ADCY8: variants seen among roughly 807,000 people sequenced by gnomAD.
The protein encoded by ADCY8 is adenylate cyclase 8.
In ADCY8, 51 loss-of-function variants were observed where a neutral mutation model predicts 119.7. That is an observed-to-expected ratio of 0.43 (90% confidence interval 0.34 to 0.54). The LOEUF is 0.54. ADCY8 is among the 20% of genes least tolerant of loss of function. The pLI is 0.03. For synonymous variants in ADCY8, 665 were observed against 651.0 expected (o/e 1.02, Z -0.33); for missense variants, 1,383 against 1,598.8 (o/e 0.87, Z 2.30).
intron 7 of ADCY8, chr8:130,892,599 C>T (rs1281430729): frequency 6.6e-6 from 1 of 152,118 alleles, no homozygotes; most frequent in Non-Finnish European, 1.5e-5. Flanking sequence ...CCCAGGATAT[C>T]CAAGCACAAT....
At chr8:130,782,536 A>C (rs1815117279) in intron 17 of ADCY8, among the ~76,000 whole-genome samples, 1 of 152,196 alleles carries the variant, frequency 6.6e-6, no homozygotes, top group Admixed American at 6.5e-5. Context: ...TACGAGTGTA[A>C]TATGTCATGG....
intron 1 of ADCY8, among the ~76,000 whole-genome samples, chr8:131,015,602 A>C (rs1823447069): frequency 6.6e-6 from 1 of 152,202 alleles, no homozygotes; most frequent in African/African-American, 2.4e-5. Context: ...TGGCTATTTT[A>C]TCTCTAAACA....
intron 15 of ADCY8, among the ~76,000 whole-genome samples, chr8:130,792,157 C>G (rs1420771329): frequency 6.6e-6 from 1 of 152,186 alleles, no homozygotes; most frequent in African/African-American, 2.4e-5. Flanking sequence ...GCACTGGACC[C>G]AGCTGATGGG....
At position 130,780,320 on chromosome 8, in the gene ADCY8, A is replaced by C. The variant is rs1299128222; in HGVS notation, c.*70T>G. 1 of 1,144,120 alleles carries C rather than the reference A, an allele frequency of 8.7e-7. No homozygotes were observed. Among genetic ancestry groups the C allele is most frequent in the Non-Finnish European group, 1.1e-6 (1 of 902,452 alleles). The allele number at this position is 1,144,120 out of a possible 1,614,324, so 70.9% of individuals were successfully genotyped here. On this transcript the variant is annotated 3_prime_UTR_variant, in exon 18 of 18. Coordinates refer to ENST00000286355, the MANE Select transcript of ADCY8 (RefSeq NM_001115.3). ...CCATCCTTGTTCTAAAAAAAATTAA[A>C]CCTTTTTATTAGTATATTTATTTTA...
At chr8:131,025,209 C>T (rs1279324689) in intron 1 of ADCY8, among the ~76,000 whole-genome samples, 1 of 152,130 alleles carries the variant, frequency 6.6e-6, no homozygotes, top group Non-Finnish European at 1.5e-5. Flanking sequence ...TGATAACTAT[C>T]ATGATAAACA....
intron 11 of ADCY8, among the ~76,000 whole-genome samples, chr8:130,844,365 A>G (rs139922919): frequency 3.3e-5 from 5 of 152,208 alleles, no homozygotes; most frequent in African/African-American, 1.2e-4. Context: ...TTAGCATCTG[A>G]CAAGCTTCGA....
At chr8:131,000,422 G>A (rs1034051435) in intron 1 of ADCY8, among the ~76,000 whole-genome samples, 3 of 152,176 alleles carry the variant, frequency 2.0e-5, no homozygotes, top group Non-Finnish European at 2.9e-5. Context: ...CTGAAGAAGT[G>A]TTGGCCTCAT....
At chr8:130,836,159 T>G in intron 12 of ADCY8, 118 bp downstream of exon 12, 15 of 1,138,296 alleles carry the variant, frequency 1.3e-5, no homozygotes, top group Non-Finnish European at 1.8e-5. Flanking sequence ...ATTTGAGATA[T>G]AAGTCAATAT....
rs1821016500 is a variant in ADCY8 at position 130,943,421 on chromosome 8, G to A, written c.1283C>T (p.Thr428Met). Residue 428 changes from threonine to methionine, a missense_variant, in exon 4 of 18, where the codon ACG (threonine) becomes ATG (methionine). Physicochemically the swap from Thr to Met is moderately conservative, Grantham distance 81 (BLOSUM62 -1). Transcript: ENST00000286355. The stretch of plus-strand genomic sequence containing the variant: ...GACCAGCTCCTGAGCAGACAAGGTC[G>A]TGGAGAGGTTGGTAAATCCTTTAAC... ...ADVKGFTNLS[T>M]TLSAQELVRM... is the part of the protein sequence containing the mutation. The A allele has an allele frequency of 5.5e-6, 8 of 1,465,568 alleles. No individual in the cohort carries two copies. The highest frequency in any genetic ancestry group is 1.4e-5 in the African/African-American group (1 of 69,544). The allele number at this position is 1,465,568 out of a possible 1,614,324, so 90.8% of individuals were successfully genotyped here.
At chr8:130,968,354 G>A (rs555190538) in intron 2 of ADCY8, among the ~76,000 whole-genome samples, 5 of 152,042 alleles carry the variant, frequency 3.3e-5, no homozygotes, top group Non-Finnish European at 7.4e-5. Context: ...TATTTTTTTA[G>A]TAGAGACGGG....
In ADCY8 at chr8:130,877,642, C is replaced by A. The variant is rs150971805; in HGVS notation, c.2109+6922G>T. ...GTCCTCACAGGAAGAAAAGCATGGC[C>A]TTTGGGAATGATAAAACATCTATCA... On this transcript the variant is annotated intron_variant, in intron 8 of 17. Transcript: ENST00000286355. 6.6e-5 allele frequency among the ~76,000 whole-genome samples: 10 copies of A among 152,302 alleles called. No individual in the cohort carries two copies. The South Asian group carries it at 2.1e-3, about 32-fold the overall frequency.
intron 8 of ADCY8, among the ~76,000 whole-genome samples, chr8:130,881,578 T>C (rs1201983690): frequency 1.3e-5 from 2 of 152,136 alleles, no homozygotes; most frequent in Non-Finnish European, 2.9e-5. Context: ...CCAGACTTGT[T>C]CCCAAGAAGA....
intron 7 of ADCY8, among the ~76,000 whole-genome samples, chr8:130,888,220 A>C (rs12543125): frequency 2.0e-5 from 3 of 151,286 alleles, no homozygotes; most frequent in Middle Eastern, 6.9e-3. Flanking sequence ...TATATATATA[A>C]TAGAATACAT....
At chr8:130,995,223 A>G (rs765183879) in intron 1 of ADCY8, among the ~76,000 whole-genome samples, 20 of 152,174 alleles carry the variant, frequency 1.3e-4, no homozygotes, top group Non-Finnish European at 2.2e-4. Flanking sequence ...TACAATAATA[A>G]ATAATTAGAA....
In ADCY8 at chr8:130,867,852, G is replaced by C. The variant is rs1186137453; in HGVS notation, c.2204C>G (p.Ser735Cys). The change falls in exon 9 of 18, where the codon TCT becomes TGT. Residue 735 changes from serine to cysteine, a missense_variant. Physicochemically the swap from Ser to Cys is moderately radical, Grantham distance 112. Coordinates refer to ENST00000286355, the MANE Select transcript of ADCY8 (RefSeq NM_001115.3). ...TTAGTTCTTTTACATTTACCTTGAA[G>C]AAGGAAGCAAACTTTGTATTGCCGT... ...FITAIQSLLP[S>C]SRVMPMTIQF... 2.5e-6 allele frequency: 4 copies of C among 1,608,028 alleles called. No homozygotes were observed.
At chr8:130,957,734 T>A (rs537787614) in intron 2 of ADCY8, among the ~76,000 whole-genome samples, 4 of 152,306 alleles carry the variant, frequency 2.6e-5, no homozygotes, top group African/African-American at 9.6e-5. Context: ...CAGCTCTAGA[T>A]GTGGCTGAAA....
intron 16 of ADCY8, among the ~76,000 whole-genome samples, chr8:130,785,064 A>G (rs1338432219): frequency 1.3e-5 from 2 of 152,342 alleles, no homozygotes; most frequent in Admixed American, 6.5e-5. Flanking sequence ...ATAGGAAAAA[A>G]GAGGCTAGTA....
chr8:131,039,947 G>A lies in ADCY8; in HGVS notation c.387C>T (p.Phe129=), dbSNP rs1357342074. Residue 129 remains phenylalanine (F), a synonymous_variant, in exon 1 of 18, where the codon TTC becomes TTT. Transcript: ENST00000286355. The part of the protein sequence containing the change: ...SGSGGGGDLG[F]LHLDCAPSNS... ...TGCTAGGGGCACAGTCAAGGTGCAG[G>A]AAGCCCAGGTCGCCCCCGCCTCCGC... 6.3e-7 allele frequency: 1 copy of A among 1,598,866 alleles called. No individual in the cohort carries two copies. The highest frequency in any genetic ancestry group is 1.7e-5 in the Admixed American group (1 of 57,744).
chr8:130,999,563 G>A (rs1199115382), intron 1 of ADCY8, among the ~76,000 whole-genome samples: 2 of 152,188 alleles, frequency 1.3e-5, no homozygotes, highest in African/African-American at 4.8e-5. Flanking sequence ...TCTCCACTCT[G>A]CACTCACTGT....
Sources: gnomAD v4.1 joint callset for allele counts (sites outside exome capture counted in the v4.1 genomes callset) on GRCh38, gnomAD v4.1.1 for gene constraint, MANE v1.5 for transcripts, NCBI Gene and HGNC (gene_info 2026-07-23, HGNC 2026-07-21) for gene names.